Variants in DET1 observed in about 807,000 individuals in gnomAD.
DET1 encodes the protein DET1 partner of COP1 E3 ubiquitin ligase, also known as DET1 homolog.
In DET1, 22 loss-of-function variants were observed where a neutral mutation model predicts 43.7. That is an observed-to-expected ratio of 0.50 (90% CI 0.36 to 0.72). DET1 has a LOEUF of 0.72. Ranked by LOEUF, DET1 falls within the 30% of genes least tolerant of loss-of-function variation. DET1 has a pLI of 0.00. For missense variants in DET1, 713 were observed against 713.3 expected, an observed-to-expected ratio of 1.00 and a Z score of 0.00; for synonymous variants, 315 against 266.2, an observed-to-expected ratio of 1.18 and a Z score of -1.79.
chr15:88,541,478 C>A (rs891930610), intron 1 of DET1, among the ~76,000 whole-genome samples: 1 of 151,954 alleles, frequency 6.6e-6, no homozygotes, highest in Non-Finnish European at 1.5e-5. Context: ...TCCCACCTTA[C>A]GAGAAACACC....
chr15:88,541,779 A>G (rs1273874669), intron 1 of DET1, among the ~76,000 whole-genome samples: 1 of 152,132 alleles, frequency 6.6e-6, no homozygotes, highest in Non-Finnish European at 1.5e-5. Context: ...TTCCACCTCC[A>G]AAGTCCTCCT....
chr15:88,516,690 G>T lies in DET1; in HGVS notation c.1463+92C>A. 8.7e-7 allele frequency: 1 copy of T among 1,149,864 alleles called. No homozygotes were observed. Among genetic ancestry groups the T allele is most frequent in the Non-Finnish European group, 1.2e-6 (1 of 850,650 alleles). 71.2% of individuals were successfully genotyped at this position (1,149,864 alleles called of 1,614,324 possible). ...ACCTTACCCATGAGTACGAGTCACA[G>T]TCACAATCAAATGATGTCCAGAAAA... On this transcript the variant is annotated intron_variant, in intron 4 of 4. Coordinates refer to ENST00000268148, the MANE Select transcript of DET1 (RefSeq NM_001144074.3). The surrounding 1 kb of genome is among the most constrained non-coding windows in gnomAD (Gnocchi z 4.4).
downstream of DET1, among the ~76,000 whole-genome samples, chr15:88,507,990 G>A (rs184426387): frequency 3.8e-3 from 584 of 152,246 alleles, 4 homozygotes; most frequent in African/African-American, 0.013. Context: ...GATTAGCGGC[G>A]GCATTAGATT....
intron 1 of DET1, chr15:88,536,284 T>C (rs2056946931): frequency 1.3e-6 from 1 of 770,028 alleles, no homozygotes; most frequent in Admixed American, 1.7e-5. Context: ...TAATGGTCTT[T>C]ATCTCTTCCT....
In DET1 at chr15:88,516,414, G is replaced by A. The variant is rs1222067785; in HGVS notation, c.1463+368C>T. The stretch of plus-strand genomic sequence containing the variant: ...TTGTCTCTGCTATTTTTTCTATGAG[G>A]TAACATGGCGGGATAAAATAATTTG... On this transcript the variant is annotated intron_variant, in intron 4 of 4. Transcript: ENST00000268148. This position sits in a 1 kb window ranked among gnomAD's most constrained non-coding sequence, Gnocchi z 4.4. Among the ~76,000 whole-genome samples, 2 of 152,144 alleles carry A rather than the reference G, an allele frequency of 1.3e-5. No individual in the cohort carries two copies. The highest frequency in any genetic ancestry group is 4.8e-5 in the African/African-American group (2 of 41,440).
intron 1 of DET1, chr15:88,536,455 GAAGAAT>G: frequency 1.5e-6 from 1 of 650,458 alleles, no homozygotes. Flanking sequence ...TATGAGCCTT[GAAGAAT>G]AAGAATACAC....
At chr15:88,523,927 G>A (rs2056579026) in intron 3 of DET1, among the ~76,000 whole-genome samples, 1 of 149,164 alleles carries the variant, frequency 6.7e-6, no homozygotes, top group Non-Finnish European at 1.5e-5. Flanking sequence ...GAGCCCCTCT[G>A]CCCGGCTGCC....
chr15:88,531,102 G>C lies in DET1; in HGVS notation c.604C>G (p.Arg202Gly). ...TTGAACGTGCGTGTATCACATAAGCGGCCGGTGTGAAGGTCAATGATATGG... is the reference window on the plus strand; with the variant it reads ...TTGAACGTGCGTGTATCACATAAGCCGCCGGTGTGAAGGTCAATGATATGG... Reference protein sequence around the residue: ...SLHIIDLHTGRLCDTRTFKCD... With the variant: ...SLHIIDLHTGGLCDTRTFKCD... The change falls in exon 2 of 5, where the codon CGC becomes GGC. Residue 202 changes from arginine (R) to glycine (G), a missense_variant. Arg to Gly is a moderately radical substitution (Grantham distance 125, BLOSUM62 -2). Transcript: ENST00000268148. The surrounding 1 kb of genome is among the most constrained non-coding windows in gnomAD (Gnocchi z 6.2). The C allele has an allele frequency of 6.2e-7, 1 of 1,613,946 alleles. No homozygotes were observed. Among genetic ancestry groups the C allele is most frequent in the East Asian group, 2.2e-5 (1 of 44,866 alleles).
In DET1 at chr15:88,504,745, C is replaced by G. The variant is rs1259566002; in HGVS notation, c.*2066-758G>C. Reference sequence around the variant, plus strand: ...CAGGGATAGCACCTAGACCCCAGGGCCCATCAAAATTCAAATTAGTCAATC... The same window carrying G: ...CAGGGATAGCACCTAGACCCCAGGGGCCATCAAAATTCAAATTAGTCAATC... On this transcript the variant is annotated intron_variant and NMD_transcript_variant, in intron 7 of 8. Transcript: ENST00000557842. This position sits in a 1 kb window ranked among gnomAD's most constrained non-coding sequence, Gnocchi z 4.7. 6.6e-6 allele frequency: 1 copy of G among 152,150 alleles called. No individual in the cohort carries two copies. Among genetic ancestry groups the G allele is most frequent in the African/African-American group, 2.4e-5 (1 of 41,408 alleles). 9.4% of individuals were successfully genotyped at this position (152,150 alleles called of 1,614,324 possible).
downstream of DET1, chr15:88,511,696 C>T (rs778291261): frequency 2.7e-6 from 2 of 740,020 alleles, no homozygotes; most frequent in African/African-American, 3.8e-5. Flanking sequence ...ATAGCAGGTG[C>T]TCAAATCCTG....
rs1245040351 is a variant in DET1 at position 88,516,682 on chromosome 15, G to C, written c.1463+100C>G. 6 of 1,053,706 alleles carry C rather than the reference G, an allele frequency of 5.7e-6. No individual in the cohort carries two copies. Among genetic ancestry groups the C allele is most frequent in the Non-Finnish European group, 1.3e-6 (1 of 766,084 alleles). The allele number at this position is 1,053,706 out of a possible 1,614,324, so 65.3% of individuals were successfully genotyped here. A position where few individuals can be genotyped will look rare whatever the true frequency, so the allele number is the denominator to read the frequency against. ...CCTTTTCAACCTTACCCATGAGTAC[G>C]AGTCACAGTCACAATCAAATGATGT... On this transcript the variant is annotated intron_variant, in intron 4 of 4. Coordinates refer to ENST00000268148, the MANE Select transcript of DET1 (RefSeq NM_001144074.3). This position sits in a 1 kb window ranked among gnomAD's most constrained non-coding sequence, Gnocchi z 4.4.
intron 8 of DET1, chr15:88,502,818 G>C (rs77905830): frequency 6.6e-6 from 1 of 152,284 alleles, no homozygotes; most frequent in Admixed American, 6.5e-5. Context: ...TTCTAAGAGA[G>C]AGAGAGATCG....
intron 1 of DET1, among the ~76,000 whole-genome samples, chr15:88,534,132 T>A (rs907873165): frequency 9.9e-5 from 15 of 152,210 alleles, no homozygotes; most frequent in African/African-American, 3.6e-4. Context: ...ACAATAAAAA[T>A]ATGTTTTAAT....
intron 1 of DET1, among the ~76,000 whole-genome samples, chr15:88,532,854 A>C (rs1221480026): frequency 6.6e-6 from 1 of 152,206 alleles, no homozygotes; most frequent in Non-Finnish European, 1.5e-5. Flanking sequence ...AAAATACAGG[A>C]GGAAAGCTTC....
intron 4 of DET1, among the ~76,000 whole-genome samples, chr15:88,515,108 A>G (rs1270544108): frequency 6.6e-6 from 1 of 152,232 alleles, no homozygotes; most frequent in East Asian, 1.9e-4. Flanking sequence ...ATATGGGTAA[A>G]TAAGAAATAC....
chr15:88,525,749 C>T (rs2056644120), intron 3 of DET1, among the ~76,000 whole-genome samples: 1 of 151,946 alleles, frequency 6.6e-6, no homozygotes, highest in South Asian at 2.1e-4. Context: ...ACAACCTTTG[C>T]CTCCCAGGCT....
rs1268410471 is a variant in DET1, at chr15:88,513,131, G to T, written c.1473C>A (p.Ala491=). The change falls in exon 5 of 5, where the codon GCC becomes GCA. Residue 491 remains alanine, a synonymous_variant. Transcript: ENST00000268148. ...TCGDHPIRFY[A]RDSGLLKFEI... The stretch of plus-strand genomic sequence containing the variant: ...CAAACTTGAGCAGGCCCGAGTCCCG[G>T]GCATAGAACCTAAAAAGAACAAGGA... 4 of 1,609,874 alleles carry T rather than the reference G, an allele frequency of 2.5e-6. No individual in the cohort carries two copies. In the South Asian group the frequency reaches 4.4e-5, roughly 18 times the overall value.
intron 3 of DET1, among the ~76,000 whole-genome samples, chr15:88,521,914 TG>T (rs1488769002): frequency 5.3e-5 from 8 of 150,806 alleles, no homozygotes; most frequent in Admixed American, 2.7e-4. Flanking sequence ...ATGAATCCAG[TG>T]GTGCGCTGAT....
intron 1 of DET1, among the ~76,000 whole-genome samples, chr15:88,543,727 C>T (rs558659598): frequency 3.3e-5 from 5 of 152,252 alleles, no homozygotes; most frequent in East Asian, 3.9e-4. Context: ...TAAGGATAAA[C>T]GTATTAACAT....
Sources: allele counts gnomAD v4.1 joint callset (sites outside exome capture counted in the v4.1 genomes callset), GRCh38; gene constraint gnomAD v4.1.1; non-coding constraint Gnocchi (gnomAD v3.1); transcripts MANE v1.5; gene names NCBI Gene and HGNC (gene_info 2026-07-23, HGNC 2026-07-21).